PDE8B: variants seen among roughly 807,000 people sequenced by gnomAD.
The protein encoded by PDE8B is phosphodiesterase 8B, also known as high affinity cAMP-specific and IBMX-insensitive 3',5'-cyclic phosphodiesterase 8B.
PDE8B carries 26 observed loss-of-function variants against 101.3 expected under a neutral mutation model. The observed-to-expected ratio is 0.26, with a 90% CI of 0.19 to 0.36. The LOEUF (loss-of-function observed/expected upper bound fraction) is 0.36, where lower values mean the gene tolerates loss of function less well. PDE8B is among the 10% of genes least tolerant of loss of function. PDE8B has a pLI of 1.00. For missense variants in PDE8B, 810 were observed against 1,163.1 expected, an observed-to-expected ratio of 0.70 and a Z score of 4.42; for synonymous variants, 424 against 429.3, an observed-to-expected ratio of 0.99 and a Z score of 0.15.
At chr5:77,273,055 C>T (rs1027792675) in intron 1 of PDE8B, among the ~76,000 whole-genome samples, 3 of 152,284 alleles carry the variant, frequency 2.0e-5, no homozygotes, top group African/African-American at 7.2e-5. Context: ...CCAAATCATT[C>T]TTCTTTTAAG....
the PDE8B span, among the ~76,000 whole-genome samples, chr5:77,194,253 T>G: frequency 6.6e-6 from 1 of 152,220 alleles, no homozygotes; most frequent in Admixed American, 6.5e-5. Context: ...CTGTAGGGTT[T>G]TTGCATAGGC....
At chr5:77,259,056 A>C (rs1759831978) in intron 1 of PDE8B, among the ~76,000 whole-genome samples, 2 of 103,598 alleles carry the variant, frequency 1.9e-5, no homozygotes, top group Non-Finnish European at 4.2e-5. Context: ...ACAGACACAC[A>C]CACACACACA....
At chr5:77,155,344 G>A in the PDE8B span, among the ~76,000 whole-genome samples, 1 of 152,348 alleles carries the variant, frequency 6.6e-6, no homozygotes, top group Middle Eastern at 3.4e-3. Flanking sequence ...GCCACCAACT[G>A]ACAGCTGCTG....
chr5:77,098,274 A>C, the PDE8B span, among the ~76,000 whole-genome samples: 3 of 141,000 alleles, frequency 2.1e-5, no homozygotes, highest in Non-Finnish European at 3.1e-5. Flanking sequence ...TTTCAGACCC[A>C]CCTTCCTCTT....
intron 1 of PDE8B, among the ~76,000 whole-genome samples, chr5:77,263,947 G>T (rs1198562431): frequency 6.6e-6 from 1 of 152,066 alleles, no homozygotes; most frequent in African/African-American, 2.4e-5. Context: ...TCTCTCATTA[G>T]CAGCCCCAGC....
chr5:77,310,835 A>G (rs1394069741), intron 1 of PDE8B, among the ~76,000 whole-genome samples: 2 of 152,172 alleles, frequency 1.3e-5, no homozygotes, highest in Non-Finnish European at 2.9e-5. Flanking sequence ...AATCAGGCCT[A>G]CAGAGGAGAA....
chr5:77,093,419 G>C, the PDE8B span, among the ~76,000 whole-genome samples: 1 of 151,952 alleles, frequency 6.6e-6, no homozygotes, highest in Non-Finnish European at 1.5e-5. Flanking sequence ...ATTTCTATAA[G>C]GTTGATGGTA....
chr5:77,185,907 T>C, the PDE8B span, among the ~76,000 whole-genome samples: 1 of 152,232 alleles, frequency 6.6e-6, no homozygotes, highest in African/African-American at 2.4e-5. Context: ...GCACCAACTC[T>C]GAAGCAGACT....
chr5:77,168,677 T>C, the PDE8B span, among the ~76,000 whole-genome samples: 12 of 152,198 alleles, frequency 7.9e-5, no homozygotes, highest in African/African-American at 2.6e-4. Context: ...AGTGACAGAG[T>C]GGGCTTTACC....
chr5:77,097,719 A>ATCTATCTATATATATCTATC, the PDE8B span, among the ~76,000 whole-genome samples: 20 of 43,224 alleles, frequency 4.6e-4, no homozygotes, highest in South Asian at 2.8e-3. Context: ...ATATATATAT[A>ATCTATCTATATATATCTATC]TATATATATA....
chr5:77,393,667 TG>T (rs1470459233), intron 10 of PDE8B, among the ~76,000 whole-genome samples: 1 of 152,246 alleles, frequency 6.6e-6, no homozygotes, highest in Non-Finnish European at 1.5e-5. Context: ...CAATTGGCTT[TG>T]CTGGAACTTT....
intron 6 of PDE8B, among the ~76,000 whole-genome samples, chr5:77,342,954 G>C (rs1779478634): frequency 6.6e-6 from 1 of 152,168 alleles, no homozygotes; most frequent in African/African-American, 2.4e-5. Flanking sequence ...CATCCAATTT[G>C]GGCCCAGTTA....
the PDE8B span, among the ~76,000 whole-genome samples, chr5:77,093,435 C>G: frequency 6.6e-6 from 1 of 151,776 alleles, no homozygotes; most frequent in Non-Finnish European, 1.5e-5. Context: ...TGGTAATGTC[C>G]CCTCTTTCCT....
chr5:77,386,865 C>CTTTTATTTTTTTTTTTT (rs1788755814), intron 10 of PDE8B, among the ~76,000 whole-genome samples: 1 of 51,060 alleles, frequency 2.0e-5, no homozygotes, highest in Non-Finnish European at 3.3e-5. Context: ...GATGTAGTTT[C>CTTTTATTTTTTTTTTTT]TTTTTTTTTT....
At chr5:77,389,288 GCA>G (rs1789397749) in intron 10 of PDE8B, among the ~76,000 whole-genome samples, 1 of 152,254 alleles carries the variant, frequency 6.6e-6, no homozygotes, top group Admixed American at 6.5e-5. Context: ...ATTCCTCAGG[GCA>G]CAGTCCCTCA....
At chr5:77,281,127 A>G (rs1764895668) in intron 1 of PDE8B, among the ~76,000 whole-genome samples, 2 of 152,310 alleles carry the variant, frequency 1.3e-5, no homozygotes, top group South Asian at 4.1e-4. Context: ...GCTGCCCTTC[A>G]TGACACCACT....
rs187575862 is a variant in PDE8B at position 77,250,783 on chromosome 5, C to G, written c.339+39519C>G. ...GGATTCACTGACAAGTCCAGAAGAACAAGACATGTTTCCTGGGCCGCCAAG... is the reference window on the plus strand; with the variant it reads ...GGATTCACTGACAAGTCCAGAAGAAGAAGACATGTTTCCTGGGCCGCCAAG... On this transcript the variant is annotated intron_variant, in intron 1 of 21. Transcript: ENST00000264917. 2.6e-3 allele frequency among the ~76,000 whole-genome samples: 398 copies of G among 152,280 alleles called. 4 individuals carry two copies. Among genetic ancestry groups the G allele is most frequent in the Admixed American group, 0.013 (201 of 15,302 alleles).
chr5:77,119,455 G>A, the PDE8B span: 38 of 151,644 alleles, frequency 2.5e-4, no homozygotes, highest in African/African-American at 8.7e-4. Context: ...TCAGGAGATC[G>A]AGACCATCCT....
At chr5:77,292,776 T>C (rs1767663500) in intron 1 of PDE8B, among the ~76,000 whole-genome samples, 1 of 152,228 alleles carries the variant, frequency 6.6e-6, no homozygotes, top group Non-Finnish European at 1.5e-5. Context: ...TGCCAATCCC[T>C]TTACTATCAT....
Sources: allele counts gnomAD v4.1 joint callset (sites outside exome capture counted in the v4.1 genomes callset), GRCh38; gene constraint gnomAD v4.1.1; transcripts MANE v1.5; gene names NCBI Gene and HGNC (gene_info 2026-07-23, HGNC 2026-07-21).